The following ZFPL1 variants were observed in gnomAD, a reference collection of about 807,000 sequenced individuals.
ZFPL1 encodes zinc finger protein-like 1.
In ZFPL1, 28 loss-of-function variants were observed where a neutral mutation model predicts 32.0. That is an observed-to-expected ratio of 0.87 (90% CI 0.65 to 1.20). The LOEUF is 1.20. Among genes scored for constraint, ZFPL1 ranks in the 50% most tolerant of loss-of-function variants. The pLI, the probability that ZFPL1 is intolerant of heterozygous loss-of-function variation, is 0.00. For synonymous variants in ZFPL1, 165 were observed against 177.0 expected, an observed-to-expected ratio of 0.93 and a Z score of 0.54; for missense variants, 386 against 424.8, an observed-to-expected ratio of 0.91 and a Z score of 0.80.
At position 65,087,915 on chromosome 11, in the gene ZFPL1, C is replaced by T. The variant is rs1947695459; in HGVS notation, c.747-13C>T. On this transcript the variant is annotated splice_polypyrimidine_tract_variant and intron_variant, in intron 7 of 7. Coordinates refer to ENST00000294258, the MANE Select transcript of ZFPL1 (RefSeq NM_006782.4). Reference sequence around the variant, plus strand: ...GACTGGGGCCTGACCTGATTTTCCCCTCATCCCCCCAGGAGCCGGGCTGGG... The same window carrying T: ...GACTGGGGCCTGACCTGATTTTCCCTTCATCCCCCCAGGAGCCGGGCTGGG... The T allele has an allele frequency of 1.3e-6, 2 of 1,547,822 alleles. No homozygotes were observed. The highest frequency in any genetic ancestry group is 1.4e-5 in the African/African-American group (1 of 72,142).
Position 65,085,238 on chromosome 11 carries a change from G to T in ZFPL1, c.214+12G>T. ...CCTTGTCTGCTATGGTGAGGCCTTG[G>T]CACCTCGGGGGGATCAGGCCAGCCT... On this transcript the variant is annotated intron_variant, in intron 3 of 7. Transcript: ENST00000294258. 6.2e-7 allele frequency: 1 copy of T among 1,612,720 alleles called. No individual in the cohort carries two copies. The highest frequency in any genetic ancestry group is 1.3e-5 in the African/African-American group (1 of 75,000).
chr11:65,084,555 G>A, intron 1 of ZFPL1, 136 bp from the exon 2 acceptor site: 1 of 713,910 alleles, frequency 1.4e-6, no homozygotes, highest in Admixed American at 2.7e-5. Flanking sequence ...GCATAAGGAG[G>A]GACAGTGGGC....
chr11:65,085,527 C>G (rs926786256), intron 3 of ZFPL1: 7 of 450,724 alleles, frequency 1.6e-5, no homozygotes, highest in Non-Finnish European at 2.1e-5. Flanking sequence ...GTGGCCGTGA[C>G]TATTAGCTAG....
At chr11:65,085,998 T>G in intron 3 of ZFPL1, 6 of 194,806 alleles carry the variant, frequency 3.1e-5, no homozygotes, top group South Asian at 2.4e-4. Flanking sequence ...CACTTGTGTT[T>G]GATTATGTGC....
Position 65,087,067 on chromosome 11 carries a change from G to A in ZFPL1, c.621G>A (p.Leu207=), listed in dbSNP as rs201976043. ...TVIHMGNPEP[L]THAPRKVYDT... ...TCCACATGGGCAATCCTGAGCCCTT[G>A]ACTCACGGTGAGCCTGGGAGTTATC... is the stretch of plus-strand genomic sequence containing the variant. The change falls in exon 6 of 8, where the codon TTG becomes TTA. Residue 207 remains leucine (L), a synonymous_variant. Transcript: ENST00000294258. 7 of 1,612,780 alleles carry A rather than the reference G, an allele frequency of 4.3e-6. No individual in the cohort carries two copies. The highest frequency in any genetic ancestry group is 5.1e-6 in the Non-Finnish European group (6 of 1,179,150).
At chr11:65,086,285 G>A (rs1356591691) in intron 3 of ZFPL1, 130 bp from the exon 4 acceptor site, 8 of 1,211,584 alleles carry the variant, frequency 6.6e-6, no homozygotes, top group Non-Finnish European at 8.3e-6. Flanking sequence ...GAACAGGACG[G>A]GGAGGAGAAG....
At chr11:65,084,471 G>C in intron 1 of ZFPL1, 93 bp downstream of exon 1, 1 of 588,174 alleles carries the variant, frequency 1.7e-6, no homozygotes, top group South Asian at 2.1e-5. Flanking sequence ...CTGATGGAGG[G>C]GCCTGGCCGG....
At chr11:65,086,674 T>G (rs747715497) in intron 4 of ZFPL1, 46 bp from the exon 5 acceptor site, 3 of 1,614,082 alleles carry the variant, frequency 1.9e-6, no homozygotes, top group Admixed American at 3.3e-5. Context: ...GATGGGTGGG[T>G]GGGGACAATA....
intron 1 of ZFPL1, 119 bp downstream of exon 1, chr11:65,084,497 G>T: frequency 3.3e-6 from 2 of 603,892 alleles, no homozygotes; most frequent in Non-Finnish European, 5.8e-6. Flanking sequence ...GGATCCAGAA[G>T]GATTGAGGGG....
intron 7 of ZFPL1, 104 bp from the exon 8 acceptor site, chr11:65,087,824 C>T (rs923414363): frequency 1.1e-5 from 13 of 1,234,048 alleles, no homozygotes; most frequent in South Asian, 1.5e-5. Context: ...GAGGCACAGA[C>T]GAGGAGATGG....
In ZFPL1 at chr11:65,085,326, G is replaced by A. The variant is rs781770234; in HGVS notation, c.214+100G>A. The A allele has an allele frequency of 4.9e-6, 5 of 1,014,526 alleles. No homozygotes were observed. In the Admixed American group the frequency reaches 7.4e-5, roughly 15 times the overall value. 62.8% of individuals were successfully genotyped at this position (1,014,526 alleles called of 1,614,324 possible). ...CAAGCAGCAGGACAGTGAGTCCCCC[G>A]AGTCTCAGAGCCCAGATTCTAGTCC... On this transcript the variant is annotated intron_variant, in intron 3 of 7. Transcript: ENST00000294258.
At chr11:65,085,091 T>G (rs1157006382) in intron 2 of ZFPL1, 24 bp from the exon 3 acceptor site, 1 of 1,609,064 alleles carries the variant, frequency 6.2e-7, no homozygotes, top group Non-Finnish European at 8.5e-7. Flanking sequence ...CAGCACCAGT[T>G]GTGACATCTC....
In ZFPL1 at chr11:65,088,347, C is replaced by G; in HGVS notation, c.*233C>G. On this transcript the variant is annotated 3_prime_UTR_variant, in exon 8 of 8. Coordinates refer to ENST00000294258, the MANE Select transcript of ZFPL1 (RefSeq NM_006782.4). ...CTCCCGGGTCTCCAGCCTCCGACCC[C>G]TCGCCCCATGAAGGAGCTGGCAGGT... 1 of 1,277,442 alleles carries G rather than the reference C, an allele frequency of 7.8e-7. No individual in the cohort carries two copies. The highest frequency in any genetic ancestry group is 1.1e-6 in the Non-Finnish European group (1 of 911,912). The allele number at this position is 1,277,442 out of a possible 1,614,324, so 79.1% of individuals were successfully genotyped here.
Position 65,086,722 on chromosome 11 carries a change from C to G in ZFPL1, c.411C>G (p.Ile137Met), listed in dbSNP as rs201531261. Residue 137 changes from isoleucine to methionine, a missense_variant and splice_region_variant, in exon 5 of 8, where the codon ATC becomes ATG. Coordinates refer to ENST00000294258, the MANE Select transcript of ZFPL1 (RefSeq NM_006782.4). ...WARAGLGLPL[I>M]DEVVSPEPEP... ...GTGACCCAGATTCCTTCCTCCAGAT[C>G]GATGAGGTGGTGAGCCCAGAGCCCG... 1 of 1,614,240 alleles carries G rather than the reference C, an allele frequency of 6.2e-7. No individual in the cohort carries two copies. Among genetic ancestry groups the G allele is most frequent in the Non-Finnish European group, 8.5e-7 (1 of 1,180,044 alleles).
chr11:65,086,886 T>A (rs765186357), intron 5 of ZFPL1, 42 bp from the exon 6 acceptor site: 1 of 1,613,296 alleles, frequency 6.2e-7, no homozygotes, highest in Non-Finnish European at 8.5e-7. Flanking sequence ...ACCCCTGAGC[T>A]CTATGCACTG....
rs766209202 is a variant in ZFPL1 at position 65,086,746 on chromosome 11, C to T, written c.435C>T (p.Pro145=). The change falls in exon 5 of 8, where the codon CCC becomes CCT. Residue 145 remains proline (P), a synonymous_variant. Transcript: ENST00000294258. ...PLIDEVVSPE[P]EPLNTSDFSD... Reference sequence around the variant, plus strand: ...TCGATGAGGTGGTGAGCCCAGAGCCCGAGCCCCTCAACACGTCTGACTTCT... The same window carrying T: ...TCGATGAGGTGGTGAGCCCAGAGCCTGAGCCCCTCAACACGTCTGACTTCT... 1.2e-5 allele frequency: 19 copies of T among 1,614,084 alleles called. No individual in the cohort carries two copies. Among genetic ancestry groups the T allele is most frequent in the Admixed American group, 1.7e-5 (1 of 60,008 alleles).
chr11:65,086,450 G>T lies in ZFPL1; in HGVS notation c.250G>T (p.Ala84Ser). The change falls in exon 4 of 8, where the codon GCC becomes TCC. Residue 84 changes from alanine to serine, a missense_variant. Transcript: ENST00000294258. Reference sequence around the variant, plus strand: ...CTGGGCCTGCCTCAATGAACGTGCTGCCCAGCTACCCCGAAACACGGCACC... The same window carrying T: ...CTGGGCCTGCCTCAATGAACGTGCTTCCCAGCTACCCCGAAACACGGCACC... ...FHWACLNERAAQLPRNTAPAG... is the reference protein window; with the variant it reads ...FHWACLNERASQLPRNTAPAG... The T allele has an allele frequency of 6.2e-7, 1 of 1,614,042 alleles. No homozygotes were observed. Among genetic ancestry groups the T allele is most frequent in the Non-Finnish European group, 8.5e-7 (1 of 1,180,032 alleles).
Position 65,085,195 on chromosome 11 carries a change from C to T in ZFPL1, c.183C>T (p.Ala61=). Residue 61 remains alanine (A), a synonymous_variant, in exon 3 of 8, where the codon GCC becomes GCT. Transcript: ENST00000294258. ...PNCRLCNIPL[A]SRETTRLVCY... ...GCCGCCTGTGCAACATACCCCTGGC[C>T]AGCCGAGAGACGACCCGCCTTGTCT... The T allele has an allele frequency of 6.2e-7, 1 of 1,614,142 alleles. No homozygotes were observed. The highest frequency in any genetic ancestry group is 8.5e-7 in the Non-Finnish European group (1 of 1,180,030).
At chr11:65,087,556 G>A in intron 7 of ZFPL1, 123 bp downstream of exon 7, 2 of 932,860 alleles carry the variant, frequency 2.1e-6, no homozygotes, top group Non-Finnish European at 3.3e-6. Flanking sequence ...AGTACCTGGT[G>A]CTGGGGCTGT....
Sources: allele counts gnomAD v4.1 joint callset, GRCh38; gene constraint gnomAD v4.1.1; transcripts MANE v1.5; gene names NCBI Gene and HGNC (gene_info 2026-07-23, HGNC 2026-07-21).